SIM2: variants seen among roughly 807,000 people sequenced by gnomAD.
SIM2 encodes the protein SIM bHLH transcription factor 2, also known as single-minded homolog 2.
A neutral mutation model predicts 64.8 loss-of-function variants in SIM2; 28 were observed. The ratio of observed to expected loss-of-function variants is 0.43; its 90% CI spans 0.32 to 0.59. SIM2 has a LOEUF of 0.59. Among genes scored for constraint, SIM2 ranks in the 20% least tolerant of loss-of-function variants. The pLI is 0.07. For missense variants in SIM2, 847 were observed against 871.4 expected, an observed-to-expected ratio of 0.97 and a Z score of 0.35; for synonymous variants, 408 against 391.1, an observed-to-expected ratio of 1.04 and a Z score of -0.51.
rs551069334 is a variant in SIM2 at position 36,745,974 on chromosome 21, G to A, written c.1576+838G>A. Reference sequence around the variant, plus strand: ...CGCTCAGAGTGTAGACCGAGATGGTGCAGATGCCTGCAGTGCCACTAAAAT... The same window carrying A: ...CGCTCAGAGTGTAGACCGAGATGGTACAGATGCCTGCAGTGCCACTAAAAT... On this transcript the variant is annotated intron_variant, in intron 10 of 10. Transcript: ENST00000290399. This position sits in a 1 kb window ranked among gnomAD's most constrained non-coding sequence, Gnocchi z 4.8. The A allele has an allele frequency of 5.4e-5, 65 of 1,198,900 alleles. 1 individual carries two copies. In the African/African-American group the frequency reaches 6.6e-4, roughly 12 times the overall value. The allele number at this position is 1,198,900 out of a possible 1,614,324, so 74.3% of individuals were successfully genotyped here.
At chr21:36,728,645 G>A (rs571548451) in intron 6 of SIM2, among the ~76,000 whole-genome samples, 191 of 152,368 alleles carry the variant, frequency 1.3e-3, no homozygotes, top group Non-Finnish European at 2.2e-3. Context: ...GGGGCTGAAA[G>A]GGGTCAGAAG....
intron 1 of SIM2, among the ~76,000 whole-genome samples, chr21:36,700,680 C>T (rs904075747): frequency 4.6e-5 from 7 of 152,178 alleles, no homozygotes; most frequent in African/African-American, 1.2e-4. Context: ...GGCCACAGAG[C>T]GAACACTTGT....
At chr21:36,744,620 G>T in intron 9 of SIM2, 108 bp from the exon 10 acceptor site, 1 of 1,360,128 alleles carries the variant, frequency 7.4e-7, no homozygotes. Flanking sequence ...GAGGGTAGGG[G>T]CAGCCCTTGG....
intron 3 of SIM2, among the ~76,000 whole-genome samples, chr21:36,713,519 T>C (rs1247439649): frequency 6.6e-6 from 1 of 152,132 alleles, no homozygotes; most frequent in East Asian, 1.9e-4. Flanking sequence ...ACTATCAGAG[T>C]GATTTTTCAC....
At position 36,749,418 on chromosome 21, in the gene SIM2, T is replaced by G. The variant is rs1463105335; in HGVS notation, c.*1326T>G. Reference sequence around the variant, plus strand: ...TCATCGTTCTAAAATCAAGTGCACCTACACCAACTGCTCTCAAAATGTGAA... The same window carrying G: ...TCATCGTTCTAAAATCAAGTGCACCGACACCAACTGCTCTCAAAATGTGAA... On this transcript the variant is annotated 3_prime_UTR_variant, in exon 11 of 11. Coordinates refer to ENST00000290399, the MANE Select transcript of SIM2 (RefSeq NM_005069.6). 1.3e-5 allele frequency: 2 copies of G among 151,618 alleles called. No homozygotes were observed. Among genetic ancestry groups the G allele is most frequent in the Non-Finnish European group, 2.9e-5 (2 of 67,960 alleles). The allele number at this position is 151,618 out of a possible 1,614,324, so 9.4% of individuals were successfully genotyped here.
chr21:36,703,783 A>C (rs2088539327), intron 1 of SIM2, among the ~76,000 whole-genome samples: 1 of 152,228 alleles, frequency 6.6e-6, no homozygotes. Flanking sequence ...TTCTGGAGAT[A>C]GGGGCTTTGG....
chr21:36,744,416 GAAAT>G (rs1473486973), intron 9 of SIM2, among the ~76,000 whole-genome samples: 1 of 150,746 alleles, frequency 6.6e-6, no homozygotes, highest in Non-Finnish European at 1.5e-5. Flanking sequence ...AAAGAAAAAA[GAAAT>G]AAAGAAAGAA....
At chr21:36,728,528 G>A (rs1185189228) in intron 6 of SIM2, among the ~76,000 whole-genome samples, 1 of 152,238 alleles carries the variant, frequency 6.6e-6, no homozygotes, top group Non-Finnish European at 1.5e-5. Flanking sequence ...AAGGCTGGTG[G>A]TCTTGAAGGA....
At chr21:36,744,307 A>G (rs569489811) in intron 9 of SIM2, among the ~76,000 whole-genome samples, 20 of 107,728 alleles carry the variant, frequency 1.9e-4, no homozygotes, top group African/African-American at 8.2e-4. Flanking sequence ...CCTCCACATT[A>G]TGACAAAAAA....
chr21:36,740,001 A>AAGAG (rs1314127599), intron 7 of SIM2, among the ~76,000 whole-genome samples: 45 of 134,020 alleles, frequency 3.4e-4, no homozygotes, highest in African/African-American at 9.3e-4. Context: ...AGAAGAAAGA[A>AAGAG]AGAAAGAGAG....
intron 1 of SIM2, among the ~76,000 whole-genome samples, chr21:36,706,974 G>C (rs1415596628): frequency 6.6e-6 from 1 of 152,222 alleles, no homozygotes. Context: ...CAGGGCCTTC[G>C]AGGAAGCTTT....
At chr21:36,705,010 A>G (rs544000802) in intron 1 of SIM2, among the ~76,000 whole-genome samples, 1 of 152,330 alleles carries the variant, frequency 6.6e-6, no homozygotes, top group South Asian at 2.1e-4. Context: ...AAGGAGGCTT[A>G]GAGGCTCAAG....
chr21:36,711,684 C>T (rs1468492956), intron 2 of SIM2, among the ~76,000 whole-genome samples: 2 of 152,172 alleles, frequency 1.3e-5, no homozygotes, highest in Non-Finnish European at 2.9e-5. Flanking sequence ...TTGTATGAGT[C>T]TTTCACCAAC....
intron 7 of SIM2, among the ~76,000 whole-genome samples, chr21:36,737,187 C>T (rs1349292415): frequency 5.3e-5 from 8 of 152,202 alleles, no homozygotes; most frequent in East Asian, 1.9e-4. Flanking sequence ...TCTTGACCTC[C>T]CAAAGTGTTG....
chr21:36,705,461 C>T lies in SIM2; in HGVS notation c.176-3707C>T, dbSNP rs757871420. The stretch of plus-strand genomic sequence containing the variant: ...GGGTGGTAATTGGGGGAGGAGAGGC[C>T]GCAGGCAGGGAAGGGGTGGGAAAGC... On this transcript the variant is annotated intron_variant, in intron 1 of 10. Coordinates refer to ENST00000290399, the MANE Select transcript of SIM2 (RefSeq NM_005069.6). Among the ~76,000 whole-genome samples the T allele has an allele frequency of 7.4e-4, 113 of 152,178 alleles. 2 individuals are homozygous for T. The highest frequency in any genetic ancestry group is 3.3e-4 in the Admixed American group (5 of 15,274).
Position 36,699,380 on chromosome 21 carries a change from G to T in SIM2, c.-367G>T. 6.2e-6 allele frequency: 1 copy of T among 160,510 alleles called. No homozygotes were observed. The highest frequency in any genetic ancestry group is 2.4e-5 in the African/African-American group (1 of 41,494). The allele number at this position is 160,510 out of a possible 1,614,324, so 9.9% of individuals were successfully genotyped here. A position where few individuals can be genotyped will look rare whatever the true frequency, so the allele number is the denominator to read the frequency against. On this transcript the variant is annotated 5_prime_UTR_variant, in exon 1 of 11. Transcript: ENST00000290399. The surrounding 1 kb of genome is among the most constrained non-coding windows in gnomAD (Gnocchi z 5.6). Reference sequence around the variant, plus strand: ...GCCGGTTCGAGCACTCGACGAAGGAGTAAGCAGCGCCTCCGCCTCCGCGCC... The same window carrying T: ...GCCGGTTCGAGCACTCGACGAAGGATTAAGCAGCGCCTCCGCCTCCGCGCC...
chr21:36,749,453 T>C lies in SIM2; in HGVS notation c.*1361T>C, dbSNP rs2089300049. ...GCTCTCAAAATGTGAACTGACTTTT[T>C]TTTTTTTTTTTTTGCCAACCCTGTG... On this transcript the variant is annotated 3_prime_UTR_variant, in exon 11 of 11. Transcript: ENST00000290399. 6.6e-6 allele frequency: 1 copy of C among 151,730 alleles called. No homozygotes were observed. The highest frequency in any genetic ancestry group is 2.4e-5 in the African/African-American group (1 of 41,352). 9.4% of individuals were successfully genotyped at this position (151,730 alleles called of 1,614,324 possible). A position where few individuals can be genotyped will look rare whatever the true frequency, so the allele number is the denominator to read the frequency against.
Position 36,699,810 on chromosome 21 carries a change from G to A in SIM2, c.64G>A (p.Glu22Lys), listed in dbSNP as rs758135000. 3 of 1,612,184 alleles carry A rather than the reference G, an allele frequency of 1.9e-6. No individual in the cohort carries two copies. In the South Asian group the frequency reaches 3.3e-5, roughly 18 times the overall value. Reference sequence around the variant, plus strand: ...GGAGAAGGAAAATGGCGAGTTTTACGAGCTTGCCAAGCTGCTCCCGCTGCC... The same window carrying A: ...GGAGAAGGAAAATGGCGAGTTTTACAAGCTTGCCAAGCTGCTCCCGCTGCC... ...RREKENGEFY[E>K]LAKLLPLPSA... The change falls in exon 1 of 11, where the codon GAG (glutamate) becomes AAG (lysine). Residue 22 changes from glutamate (E) to lysine (K), a missense_variant. This residue lies in a region of SIM2 where 397 missense variants were observed against 439.2 expected (regional missense o/e 0.90). Coordinates refer to ENST00000290399, the MANE Select transcript of SIM2 (RefSeq NM_005069.6). The surrounding 1 kb of genome is among the most constrained non-coding windows in gnomAD (Gnocchi z 5.6).
chr21:36,729,681 C>A (rs949077594), intron 6 of SIM2, among the ~76,000 whole-genome samples: 3 of 152,138 alleles, frequency 2.0e-5, no homozygotes, highest in Admixed American at 6.5e-5. Flanking sequence ...CATAGCCTCG[C>A]CTGCCTTGGA....
Sources: gnomAD v4.1 joint callset for allele counts (sites outside exome capture counted in the v4.1 genomes callset) on GRCh38, gnomAD v4.1.1 for gene constraint, gnomAD v4.1.1 regional missense constraint, Gnocchi (gnomAD v3.1) non-coding constraint, MANE v1.5 for transcripts, NCBI Gene and HGNC (gene_info 2026-07-23, HGNC 2026-07-21) for gene names.